The following SORBS2 variants were observed in gnomAD, a reference collection of about 807,000 sequenced individuals.
SORBS2 encodes sorbin and SH3 domain-containing protein 2.
In SORBS2, 46 loss-of-function variants were observed where a neutral mutation model predicts 97.7. The observed-to-expected ratio is 0.47, with a 90% CI of 0.37 to 0.60. The LOEUF is 0.60. Ranked by LOEUF, SORBS2 falls within the 20% of genes least tolerant of loss-of-function variation. The pLI, the probability that SORBS2 is intolerant of heterozygous loss-of-function variation, is 0.00. For synonymous variants in SORBS2, 476 were observed against 473.4 expected (o/e 1.01, Z -0.07); for missense variants, 1,316 against 1,282.3 (o/e 1.03, Z -0.40).
At chr4:185,795,509 G>C (rs561129844) in intron 1 of SORBS2, among the ~76,000 whole-genome samples, 71 of 152,162 alleles carry the variant, frequency 4.7e-4, no homozygotes, top group Admixed American at 5.2e-4. Flanking sequence ...TGGCTCCCGG[G>C]CACCTGCCTT....
intron 4 of SORBS2, among the ~76,000 whole-genome samples, chr4:185,670,695 TA>T (rs1276414947): frequency 2.0e-5 from 3 of 151,824 alleles, no homozygotes; most frequent in South Asian, 4.2e-4. Context: ...GAAGGGGTTT[TA>T]AAAAAACCAA....
At chr4:185,790,366 G>A (rs1279092858) in intron 1 of SORBS2, among the ~76,000 whole-genome samples, 2 of 152,276 alleles carry the variant, frequency 1.3e-5, no homozygotes, top group Middle Eastern at 3.4e-3. Flanking sequence ...CACTCAAAAA[G>A]ACATATTGTA....
chr4:185,716,009 A>C (rs2098462429), intron 2 of SORBS2, among the ~76,000 whole-genome samples: 1 of 152,258 alleles, frequency 6.6e-6, no homozygotes, highest in Non-Finnish European at 1.5e-5. Context: ...CAGAGACCTA[A>C]GAGAAAGTAG....
intron 9 of SORBS2, among the ~76,000 whole-genome samples, chr4:185,615,516 T>TA (rs2096614113): frequency 6.6e-6 from 1 of 150,852 alleles, no homozygotes; most frequent in African/African-American, 2.5e-5. Context: ...TGCACTGATT[T>TA]TTTTTTTTTT....
intron 1 of SORBS2, among the ~76,000 whole-genome samples, chr4:185,892,703 T>A (rs2149806506): frequency 6.6e-6 from 1 of 152,308 alleles, no homozygotes; most frequent in Middle Eastern, 3.4e-3. Context: ...CCAATCATAA[T>A]GAAGTACCTG....
intron 2 of SORBS2, among the ~76,000 whole-genome samples, chr4:185,727,482 TTTGA>T (rs1437063102): frequency 2.2e-4 from 34 of 152,342 alleles, no homozygotes; most frequent in Admixed American, 6.5e-4. Context: ...TTTCAATGTA[TTTGA>T]TTGTTCTGAA....
intron 1 of SORBS2, among the ~76,000 whole-genome samples, chr4:185,856,409 C>T (rs1272151238): frequency 6.6e-6 from 1 of 152,168 alleles, no homozygotes; most frequent in African/African-American, 2.4e-5. Flanking sequence ...ACACCTCTGC[C>T]TGGCATGTAG....
intron 1 of SORBS2, among the ~76,000 whole-genome samples, chr4:185,840,381 A>G (rs924968889): frequency 6.7e-4 from 102 of 152,302 alleles, no homozygotes; most frequent in African/African-American, 2.3e-3. Context: ...TGGTTCTTTC[A>G]TAAGCATCTC....
At chr4:185,696,043 A>G (rs147237387) in intron 2 of SORBS2, among the ~76,000 whole-genome samples, 4 of 152,314 alleles carry the variant, frequency 2.6e-5, no homozygotes, top group African/African-American at 9.6e-5. Context: ...TACCCGCGGC[A>G]TCTATTTATC....
At chr4:185,868,357 T>C (rs557426231) in intron 1 of SORBS2, among the ~76,000 whole-genome samples, 14 of 151,628 alleles carry the variant, frequency 9.2e-5, no homozygotes, top group Non-Finnish European at 1.3e-4. Flanking sequence ...AGGGTTTCAC[T>C]ATGTTAGCCA....
chr4:185,717,846 G>C (rs989937312), intron 2 of SORBS2, among the ~76,000 whole-genome samples: 1 of 152,170 alleles, frequency 6.6e-6, no homozygotes, highest in African/African-American at 2.4e-5. Flanking sequence ...CATGACCTGG[G>C]GTGAGTTACT....
intron 2 of SORBS2, among the ~76,000 whole-genome samples, chr4:185,701,224 G>T (rs930205043): frequency 6.6e-6 from 1 of 152,164 alleles, no homozygotes; most frequent in Non-Finnish European, 1.5e-5. Context: ...TGGAAAAGCA[G>T]AAAAATTTCC....
At chr4:185,889,714 G>C (rs1351050995) in intron 1 of SORBS2, among the ~76,000 whole-genome samples, 3 of 151,894 alleles carry the variant, frequency 2.0e-5, no homozygotes, top group African/African-American at 7.3e-5. Context: ...CCGCCTGACA[G>C]TTTTACGCCC....
chr4:185,800,599 T>G (rs1431442414), intron 1 of SORBS2, among the ~76,000 whole-genome samples: 2 of 152,178 alleles, frequency 1.3e-5, no homozygotes, highest in African/African-American at 4.8e-5. Flanking sequence ...TGCAGCTTTC[T>G]TCTCTGCTGC....
At chr4:185,873,064 A>G (rs1220387408) in intron 1 of SORBS2, among the ~76,000 whole-genome samples, 1 of 152,250 alleles carries the variant, frequency 6.6e-6, no homozygotes, top group Non-Finnish European at 1.5e-5. Flanking sequence ...TGGGTAAAAG[A>G]ATAAAATGAT....
upstream of SORBS2, among the ~76,000 whole-genome samples, chr4:185,661,337 T>C (rs1462808845): frequency 6.6e-6 from 1 of 151,880 alleles, no homozygotes; most frequent in African/African-American, 2.4e-5. Flanking sequence ...TACTTGACCA[T>C]GTAAGAGCAT....
intron 12 of SORBS2, among the ~76,000 whole-genome samples, chr4:185,611,382 T>C (rs867706265): frequency 1.3e-5 from 2 of 151,558 alleles, no homozygotes; most frequent in Admixed American, 1.3e-4. Flanking sequence ...TATATGATTA[T>C]ATTTATTTAT....
intron 1 of SORBS2, among the ~76,000 whole-genome samples, chr4:185,852,289 A>G (rs1299719939): frequency 2.0e-5 from 3 of 152,180 alleles, no homozygotes; most frequent in Non-Finnish European, 4.4e-5. Context: ...AAAATAGCTT[A>G]AGGACTAGCG....
intron 1 of SORBS2, among the ~76,000 whole-genome samples, chr4:185,855,175 G>C (rs2099220100): frequency 6.6e-6 from 1 of 152,108 alleles, no homozygotes; most frequent in African/African-American, 2.4e-5. Context: ...TTCTCCTCAG[G>C]ATTTTAGGAG....
Sources: allele counts gnomAD v4.1 joint callset (sites outside exome capture counted in the v4.1 genomes callset), GRCh38; gene constraint gnomAD v4.1.1; transcripts MANE v1.5; gene names NCBI Gene and HGNC (gene_info 2026-07-23, HGNC 2026-07-21).